Variants in QRFPR observed in about 807,000 individuals in gnomAD.
QRFPR encodes the protein pyroglutamylated RFamide peptide receptor, also known as pyroglutamylated RF-amide peptide receptor.
A neutral mutation model predicts 31.3 loss-of-function variants in QRFPR; 37 were observed. The ratio of observed to expected loss-of-function variants is 1.18; its 90% CI spans 0.91 to 1.56. QRFPR has a LOEUF of 1.56. Among genes scored for constraint, QRFPR ranks in the 40% most tolerant of loss-of-function variants. The pLI is 0.00. For synonymous variants in QRFPR, 197 were observed against 192.0 expected (o/e 1.03, Z -0.22); for missense variants, 542 against 532.5 (o/e 1.02, Z -0.18).
intron 1 of QRFPR, among the ~76,000 whole-genome samples, chr4:121,346,596 A>C (rs1032334614): frequency 6.6e-6 from 1 of 152,220 alleles, no homozygotes; most frequent in African/African-American, 2.4e-5. Context: ...GGTGAGAAGC[A>C]GATATCTTTG....
At chr4:121,365,643 ATATAT>A (rs1352493308) in intron 1 of QRFPR, among the ~76,000 whole-genome samples, 22 of 28,552 alleles carry the variant, frequency 7.7e-4, no homozygotes, top group African/African-American at 2.7e-3. Flanking sequence ...TATATATTTT[ATATAT>A]TATATATTAT....
chr4:121,350,188 A>C (rs1466188719), intron 1 of QRFPR, among the ~76,000 whole-genome samples: 1 of 152,176 alleles, frequency 6.6e-6, no homozygotes, highest in Non-Finnish European at 1.5e-5. Flanking sequence ...CAGGGGATGC[A>C]GGTGTCATTT....
intron 1 of QRFPR, among the ~76,000 whole-genome samples, chr4:121,366,673 A>G (rs1726139687): frequency 6.7e-6 from 1 of 150,060 alleles, no homozygotes; most frequent in Non-Finnish European, 1.5e-5. Context: ...CATCCAGATG[A>G]GCCAACCTGA....
At chr4:121,340,661 G>A (rs1489871946) in intron 1 of QRFPR, 51 bp from the exon 2 acceptor site, 4 of 1,542,218 alleles carry the variant, frequency 2.6e-6, no homozygotes, top group Non-Finnish European at 1.8e-6. Context: ...AAGAATAAAG[G>A]TTTCATCTGT....
chr4:121,334,688 G>C (rs1275249501), intron 3 of QRFPR: 4 of 320,980 alleles, frequency 1.2e-5, no homozygotes, highest in Non-Finnish European at 2.5e-5. Context: ...ATACAGTAAG[G>C]AGGCAGGAGC....
At chr4:121,358,021 A>G (rs1184205230) in intron 1 of QRFPR, among the ~76,000 whole-genome samples, 1 of 152,176 alleles carries the variant, frequency 6.6e-6, no homozygotes, top group Admixed American at 6.5e-5. Context: ...TCCTCTTCCT[A>G]GAAGGAGACT....
intron 4 of QRFPR, among the ~76,000 whole-genome samples, chr4:121,331,388 T>C (rs1725322793): frequency 6.6e-6 from 1 of 151,118 alleles, no homozygotes; most frequent in Non-Finnish European, 1.5e-5. Context: ...CTCACTTTGT[T>C]GCCCAGGCTG....
intron 1 of QRFPR, among the ~76,000 whole-genome samples, chr4:121,362,577 T>A (rs948905911): frequency 6.7e-6 from 1 of 150,290 alleles, no homozygotes; most frequent in African/African-American, 2.5e-5. Flanking sequence ...TTCAGACTTA[T>A]TTTAAAGCTA....
chr4:121,329,998 G>A (rs1725290915), intron 5 of QRFPR, among the ~76,000 whole-genome samples: 1 of 152,274 alleles, frequency 6.6e-6, no homozygotes, highest in East Asian at 1.9e-4. Context: ...TAAACTGGAA[G>A]CAGCAGTAAC....
chr4:121,367,671 A>T (rs1180465496), intron 1 of QRFPR, among the ~76,000 whole-genome samples: 2 of 150,262 alleles, frequency 1.3e-5, no homozygotes, highest in Non-Finnish European at 3.0e-5. Flanking sequence ...TTTAAGTAGC[A>T]GAACTTCGAA....
At chr4:121,375,759 A>G (rs1726339705) in intron 1 of QRFPR, among the ~76,000 whole-genome samples, 1 of 152,224 alleles carries the variant, frequency 6.6e-6, no homozygotes, top group Non-Finnish European at 1.5e-5. Context: ...TCGCAAAATA[A>G]GAGAAAGATT....
At chr4:121,369,314 C>T in intron 1 of QRFPR, 1 of 511,392 alleles carries the variant, frequency 2.0e-6, no homozygotes, top group Non-Finnish European at 3.5e-6. Context: ...CAGGCGTGAG[C>T]CACTGTGCCC....
chr4:121,335,998 A>G (rs4555667), intron 3 of QRFPR, among the ~76,000 whole-genome samples: 120,304 of 152,176 alleles, frequency 0.79, 49,565 homozygotes, highest in East Asian at 0.99. Flanking sequence ...GAAAAAAATC[A>G]GGTTACTTTT....
In QRFPR at chr4:121,380,790, G is replaced by A. The variant is rs1204293967; in HGVS notation, c.-143C>T. 2.8e-6 allele frequency: 2 copies of A among 710,374 alleles called. No individual in the cohort carries two copies. Among genetic ancestry groups the A allele is most frequent in the Non-Finnish European group, 4.6e-6 (2 of 439,194 alleles). The allele number at this position is 710,374 out of a possible 1,614,324, so 44.0% of individuals were successfully genotyped here. On this transcript the variant is annotated 5_prime_UTR_variant, in exon 1 of 6. Coordinates refer to ENST00000394427, the MANE Select transcript of QRFPR (RefSeq NM_198179.3). Reference sequence around the variant, plus strand: ...AGTCAGCCGCGCGGGAGGGCTCTAGGCTGCACCCCGGGAGGTTCGGGAAAG... The same window carrying A: ...AGTCAGCCGCGCGGGAGGGCTCTAGACTGCACCCCGGGAGGTTCGGGAAAG...
intron 1 of QRFPR, chr4:121,369,594 G>T: frequency 6.2e-7 from 1 of 1,611,548 alleles, no homozygotes. Context: ...AGTTCCATTG[G>T]AGAGGGCTTC....
At chr4:121,353,117 T>A (rs1042625718) in intron 1 of QRFPR, among the ~76,000 whole-genome samples, 1 of 152,116 alleles carries the variant, frequency 6.6e-6, no homozygotes, top group Admixed American at 6.6e-5. Flanking sequence ...AATTCATCCA[T>A]TGGTGGATAT....
At chr4:121,370,070 T>C in intron 1 of QRFPR, 2 of 772,164 alleles carry the variant, frequency 2.6e-6, no homozygotes, top group Admixed American at 1.7e-5. Context: ...ACTGGGAGCT[T>C]GTCCACACTG....
At chr4:121,359,565 A>G (rs1362108845) in intron 1 of QRFPR, among the ~76,000 whole-genome samples, 1 of 151,972 alleles carries the variant, frequency 6.6e-6, no homozygotes, top group Admixed American at 6.6e-5. Context: ...TTGCTCCTCA[A>G]GCTTGCAGAC....
At chr4:121,367,224 A>T (rs1335724037) in intron 1 of QRFPR, among the ~76,000 whole-genome samples, 2 of 149,902 alleles carry the variant, frequency 1.3e-5, no homozygotes, top group Non-Finnish European at 3.0e-5. Flanking sequence ...TCCTAGGAAC[A>T]TTGGTGTTGC....
Sources: gnomAD v4.1 joint callset for allele counts (sites outside exome capture counted in the v4.1 genomes callset) on GRCh38, gnomAD v4.1.1 for gene constraint, MANE v1.5 for transcripts, NCBI Gene and HGNC (gene_info 2026-07-23, HGNC 2026-07-21) for gene names.